The following NBEA variants were observed in gnomAD, a reference collection of about 807,000 sequenced individuals.
NBEA encodes lysosomal-trafficking regulator 2.
NBEA carries 44 observed loss-of-function variants against 343.4 expected under a neutral mutation model. That is an observed-to-expected ratio of 0.13 (90% CI 0.10 to 0.16). The LOEUF (loss-of-function observed/expected upper bound fraction) is 0.16, where lower values mean the gene tolerates loss of function less well. Ranked by LOEUF, NBEA falls within the 10% of genes least tolerant of loss-of-function variation. NBEA has a pLI of 1.00. For synonymous variants in NBEA, 1,175 were observed against 1,238.7 expected, an observed-to-expected ratio of 0.95 and a Z score of 1.08; for missense variants, 2,555 against 3,631.3, an observed-to-expected ratio of 0.70 and a Z score of 7.62.
intron 28 of NBEA, chr13:35,179,798 G>T (rs1441126187): frequency 1.3e-5 from 13 of 984,436 alleles, no homozygotes; most frequent in East Asian, 2.3e-4. Context: ...TCTGTTCTTG[G>T]TTGGTATCTT....
rs537194486 is a variant in NBEA, at chr13:35,082,177, T to A, written c.1571+11325T>A. ...TGAGAACATGCGGTGTTTGGTTTTT[T>A]TGTCCCTGAGATAGTTAGCTGAGAA... On this transcript the variant is annotated intron_variant, in intron 10 of 58. Coordinates refer to ENST00000379939, the MANE Select transcript of NBEA (RefSeq NM_001385012.1). Among the ~76,000 whole-genome samples the A allele has an allele frequency of 2.0e-5, 3 of 152,286 alleles. No individual in the cohort carries two copies. The East Asian group carries it at 5.8e-4, about 29-fold the overall frequency.
chr13:35,197,918 T>G (rs2072739556), intron 31 of NBEA, among the ~76,000 whole-genome samples: 1 of 152,180 alleles, frequency 6.6e-6, no homozygotes, highest in South Asian at 2.1e-4. Flanking sequence ...CTGGTTATCA[T>G]GCAGAATATA....
intron 13 of NBEA, among the ~76,000 whole-genome samples, chr13:35,115,642 G>A (rs1304011849): frequency 2.0e-5 from 3 of 151,990 alleles, no homozygotes; most frequent in Admixed American, 1.3e-4. Context: ...AGATAAATCC[G>A]TTTGTATTTT....
intron 31 of NBEA, among the ~76,000 whole-genome samples, chr13:35,207,784 CT>C (rs1454869259): frequency 6.6e-6 from 1 of 152,092 alleles, no homozygotes; most frequent in Non-Finnish European, 1.5e-5. Context: ...CATCTCTGTT[CT>C]CTTTCATTCT....
intron 36 of NBEA, among the ~76,000 whole-genome samples, chr13:35,312,978 G>A (rs1314920609): frequency 6.6e-6 from 1 of 152,136 alleles, no homozygotes; most frequent in Admixed American, 6.6e-5. Context: ...GAGAGAGCTG[G>A]CATGGAGATT....
rs189761499 is a variant in NBEA at position 35,473,172 on chromosome 13, G to C, written c.6585+636G>C. ...CCATTTAAATGCATATTTATTAAAT[G>C]TTATTGTGTAGATTTTAAACACCAG... On this transcript the variant is annotated intron_variant, in intron 41 of 58. Transcript: ENST00000379939. Among the ~76,000 whole-genome samples the C allele has an allele frequency of 1.8e-4, 27 of 152,252 alleles. No individual in the cohort carries two copies. The East Asian group carries it at 5.2e-3, about 29-fold the overall frequency.
chr13:35,515,026 A>C (rs2077430043), intron 41 of NBEA, among the ~76,000 whole-genome samples: 2 of 152,356 alleles, frequency 1.3e-5, no homozygotes, highest in South Asian at 4.1e-4. Context: ...GTCACTGACA[A>C]TAATCTTCAA....
chr13:35,277,828 T>C (rs2034733027), intron 34 of NBEA, among the ~76,000 whole-genome samples: 1 of 143,678 alleles, frequency 7.0e-6, no homozygotes, highest in South Asian at 2.5e-4. Context: ...GGCTCACACC[T>C]GTAATTCCAG....
chr13:35,428,083 A>C (rs1378505095), intron 38 of NBEA, among the ~76,000 whole-genome samples: 1 of 152,208 alleles, frequency 6.6e-6, no homozygotes, highest in Non-Finnish European at 1.5e-5. Flanking sequence ...TGCACTTCCC[A>C]GGTGAGGCAA....
chr13:35,241,522 A>G (rs550719083), intron 34 of NBEA, among the ~76,000 whole-genome samples: 5 of 151,978 alleles, frequency 3.3e-5, no homozygotes, highest in South Asian at 4.1e-4. Context: ...CTAGATACAA[A>G]AGCGTAAAGT....
At chr13:35,164,982 T>A (rs1439505603) in intron 24 of NBEA, 1 of 449,948 alleles carries the variant, frequency 2.2e-6, no homozygotes, top group Non-Finnish European at 4.5e-6. Context: ...AATGTTAACT[T>A]TGTATTTTAG....
intron 1 of NBEA, among the ~76,000 whole-genome samples, chr13:34,964,530 C>A (rs1202393675): frequency 6.6e-6 from 1 of 151,906 alleles, no homozygotes; most frequent in African/African-American, 2.4e-5. Flanking sequence ...TTCCTTAGTT[C>A]CATTTAGGAA....
chr13:35,180,525 C>T (rs970286346), intron 28 of NBEA, among the ~76,000 whole-genome samples: 16 of 151,568 alleles, frequency 1.1e-4, no homozygotes, highest in African/African-American at 3.9e-4. Context: ...CTGCCTTGGC[C>T]AGTTTTTTTC....
chr13:35,628,689 G>A (rs1158162816), intron 49 of NBEA, among the ~76,000 whole-genome samples: 1 of 152,204 alleles, frequency 6.6e-6, no homozygotes, highest in Admixed American at 6.5e-5. Flanking sequence ...AGGCCAAGGT[G>A]AGTGAATGGC....
intron 36 of NBEA, among the ~76,000 whole-genome samples, chr13:35,327,246 T>C (rs1178646256): frequency 7.9e-5 from 12 of 152,084 alleles, no homozygotes; most frequent in Non-Finnish European, 1.8e-4. Flanking sequence ...AAAACAGAGC[T>C]ACCATTTGAC....
At chr13:35,470,571 A>G (rs943303420) in intron 40 of NBEA, among the ~76,000 whole-genome samples, 2 of 152,222 alleles carry the variant, frequency 1.3e-5, no homozygotes, top group African/African-American at 4.8e-5. Context: ...AACAATGTAC[A>G]ACTTTGTTTC....
At chr13:35,062,006 C>T (rs2063485070) in intron 8 of NBEA, among the ~76,000 whole-genome samples, 1 of 151,486 alleles carries the variant, frequency 6.6e-6, no homozygotes, top group African/African-American at 2.4e-5. Context: ...CATATAATCC[C>T]AAAGTATTTT....
At chr13:35,113,586 C>CATCCATCTATCTATCT (rs1555307443) in intron 13 of NBEA, among the ~76,000 whole-genome samples, 48 of 146,804 alleles carry the variant, frequency 3.3e-4, no homozygotes, top group African/African-American at 1.0e-3. Flanking sequence ...CTCCTCCACT[C>CATCCATCTATCTATCT]ATCTATCTAT....
chr13:35,280,334 A>T (rs2034967727), intron 34 of NBEA, among the ~76,000 whole-genome samples: 2 of 152,140 alleles, frequency 1.3e-5, no homozygotes, highest in Admixed American at 1.3e-4. Flanking sequence ...GTAAAAGAAG[A>T]TGTTTAAATT....
Sources: gnomAD v4.1 joint callset for allele counts (sites outside exome capture counted in the v4.1 genomes callset) on GRCh38, gnomAD v4.1.1 for gene constraint, MANE v1.5 for transcripts, NCBI Gene and HGNC (gene_info 2026-07-23, HGNC 2026-07-21) for gene names.